The following ERMP1 variants were observed in gnomAD, a reference collection of about 807,000 sequenced individuals.
ERMP1 encodes the protein endoplasmic reticulum metallopeptidase 1.
ERMP1 carries 86 observed loss-of-function variants against 92.0 expected under a neutral mutation model. The ratio of observed to expected loss-of-function variants is 0.93; its 90% CI spans 0.79 to 1.12. The LOEUF is 1.12. Ranked by LOEUF, ERMP1 falls within the 50% of genes most tolerant of loss-of-function variation. The probability of loss-of-function intolerance (pLI) is 0.00; values close to 1 mark genes in which losing one functional copy is unlikely to be tolerated. For synonymous variants in ERMP1, 530 were observed against 412.8 expected, an observed-to-expected ratio of 1.28 and a Z score of -3.44; for missense variants, 1,342 against 1,116.3, an observed-to-expected ratio of 1.20 and a Z score of -2.88.
chr9:5,834,701 ATATG>A (rs1031148896), upstream of ERMP1, among the ~76,000 whole-genome samples: 1 of 62,812 alleles, frequency 1.6e-5, no homozygotes, highest in African/African-American at 4.1e-5. Flanking sequence ...ATGTATGTAT[ATATG>A]TGTGTGTGTG....
chr9:5,850,527 CA>C (rs1416546331), intron 6 of ERMP1, among the ~76,000 whole-genome samples: 1 of 150,334 alleles, frequency 6.7e-6, no homozygotes, highest in African/African-American at 2.4e-5. Context: ...GAATGTTTAA[CA>C]AGTTCCTCCT....
chr9:5,838,046 CCAA>C (rs1256039844), upstream of ERMP1, among the ~76,000 whole-genome samples: 2 of 152,096 alleles, frequency 1.3e-5, no homozygotes, highest in Non-Finnish European at 1.5e-5. Flanking sequence ...TTGCAGTGAG[CCAA>C]CATCACGCAC....
upstream of ERMP1, among the ~76,000 whole-genome samples, chr9:5,836,764 G>A (rs1469232376): frequency 1.3e-5 from 2 of 152,148 alleles, no homozygotes; most frequent in East Asian, 1.9e-4. Context: ...TCAGCTCCAC[G>A]GATCACCTCC....
At chr9:5,827,866 T>C (rs1829784279) in intron 2 of ERMP1, among the ~76,000 whole-genome samples, 1 of 145,060 alleles carries the variant, frequency 6.9e-6, no homozygotes, top group African/African-American at 2.6e-5. Context: ...TAGTCCCAGC[T>C]ACTCGGGAGG....
chr9:5,794,453 T>A (rs997700688), intron 13 of ERMP1, among the ~76,000 whole-genome samples: 9 of 151,606 alleles, frequency 5.9e-5, no homozygotes, highest in African/African-American at 2.2e-4. Flanking sequence ...GAAAACCAAC[T>A]ATAATCAAAA....
upstream of ERMP1, among the ~76,000 whole-genome samples, chr9:5,833,397 G>A (rs932360370): frequency 1.3e-5 from 2 of 152,188 alleles, no homozygotes; most frequent in Non-Finnish European, 2.9e-5. Flanking sequence ...GATGAAAAAA[G>A]CAATGACCTG....
chr9:5,803,320 CT>C (rs1828745363), intron 10 of ERMP1, among the ~76,000 whole-genome samples: 1 of 152,178 alleles, frequency 6.6e-6, no homozygotes, highest in Non-Finnish European at 1.5e-5. Flanking sequence ...AATAAGTGAG[CT>C]TTCTAAAGTA....
intron 5 of ERMP1, among the ~76,000 whole-genome samples, chr9:5,864,665 T>A (rs1268838602): frequency 1.3e-5 from 2 of 152,134 alleles, no homozygotes; most frequent in African/African-American, 2.4e-5. Flanking sequence ...CCGCAAGAAT[T>A]CTGGCACCTT....
intron 4 of ERMP1, among the ~76,000 whole-genome samples, chr9:5,813,448 A>G (rs1436356981): frequency 6.6e-6 from 1 of 152,156 alleles, no homozygotes; most frequent in East Asian, 1.9e-4. Flanking sequence ...CTATGTTGCT[A>G]GATACAAATT....
chr9:5,800,863 A>C (rs989744836), intron 11 of ERMP1, among the ~76,000 whole-genome samples: 1 of 152,222 alleles, frequency 6.6e-6, no homozygotes, highest in South Asian at 2.1e-4. Flanking sequence ...TTTACAATCT[A>C]TATTTCTAAA....
intron 11 of ERMP1, among the ~76,000 whole-genome samples, chr9:5,800,089 G>A (rs984519087): frequency 1.3e-5 from 2 of 152,180 alleles, no homozygotes; most frequent in Admixed American, 1.3e-4. Context: ...TAGGTTAGAT[G>A]TGACTCTTGC....
rs1829690913 is a variant in ERMP1 at position 5,825,285 on chromosome 9, C to A, written c.641-66G>T. 4 of 1,487,604 alleles carry A rather than the reference C, an allele frequency of 2.7e-6. No homozygotes were observed. In the East Asian group the frequency reaches 7.1e-5, roughly 26 times the overall value. The allele number at this position is 1,487,604 out of a possible 1,614,324, so 92.2% of individuals were successfully genotyped here. A position where few individuals can be genotyped will look rare whatever the true frequency, so the allele number is the denominator to read the frequency against. On this transcript the variant is annotated intron_variant, in intron 2 of 14. Coordinates refer to ENST00000339450, the MANE Select transcript of ERMP1 (RefSeq NM_024896.3). ...ATGTTTACAATATGACCCATTAGGA[C>A]TAGGAATGGAGCTTTCTCCTCAGAG...
chr9:5,828,793 T>C (rs1481636689), intron 2 of ERMP1, among the ~76,000 whole-genome samples: 2 of 152,202 alleles, frequency 1.3e-5, no homozygotes. Context: ...GAAACTTTTT[T>C]CTTTTGTCCC....
intron 6 of ERMP1, among the ~76,000 whole-genome samples, chr9:5,857,116 G>A (rs144836715): frequency 7.2e-5 from 11 of 152,080 alleles, no homozygotes; most frequent in African/African-American, 2.7e-4. Context: ...GATTTCCCTG[G>A]GCTCAAGCCA....
chr9:5,857,321 C>A (rs551957581), intron 6 of ERMP1, among the ~76,000 whole-genome samples: 1 of 152,030 alleles, frequency 6.6e-6, no homozygotes, highest in Admixed American at 6.6e-5. Flanking sequence ...TGTGCATGGC[C>A]GAAATTTTTT....
At chr9:5,796,021 A>T (rs1321403700) in intron 13 of ERMP1, among the ~76,000 whole-genome samples, 4 of 152,186 alleles carry the variant, frequency 2.6e-5, no homozygotes, top group Non-Finnish European at 4.4e-5. Flanking sequence ...ATATATAAGG[A>T]TTCTATAAGG....
Position 5,825,033 on chromosome 9 carries a change from G to T in ERMP1, c.768+59C>A. On this transcript the variant is annotated intron_variant, in intron 3 of 14. Transcript: ENST00000339450. ...TTTACTATTTAGTAAATAATATTTA[G>T]CTATTATTATTAATCTCATCCTTAT... The T allele has an allele frequency of 2.0e-6, 3 of 1,486,894 alleles. No homozygotes were observed. The Admixed American group carries it at 5.1e-5, about 25-fold the overall frequency. 92.1% of individuals were successfully genotyped at this position (1,486,894 alleles called of 1,614,324 possible).
chr9:5,819,602 C>G (rs1053706307), intron 4 of ERMP1, among the ~76,000 whole-genome samples: 2 of 152,162 alleles, frequency 1.3e-5, no homozygotes, highest in African/African-American at 4.8e-5. Context: ...AAACTTTTGT[C>G]TTCCTTTACT....
intron 8 of ERMP1, among the ~76,000 whole-genome samples, chr9:5,807,736 ACT>A (rs1232711483): frequency 9.9e-5 from 15 of 151,808 alleles, no homozygotes; most frequent in African/African-American, 3.6e-4. Context: ...ACAGAGTGAG[ACT>A]CTGTCTCAAC....
Sources: gnomAD v4.1 joint callset for allele counts (sites outside exome capture counted in the v4.1 genomes callset) on GRCh38, gnomAD v4.1.1 for gene constraint, MANE v1.5 for transcripts, NCBI Gene and HGNC (gene_info 2026-07-23, HGNC 2026-07-21) for gene names.